Variants in FUT8 observed in about 807,000 individuals in gnomAD.
FUT8 encodes alpha-(1,6)-fucosyltransferase.
In FUT8, 29 loss-of-function variants were observed where a neutral mutation model predicts 71.3. That is an observed-to-expected ratio of 0.41 (90% CI 0.30 to 0.55). The LOEUF (loss-of-function observed/expected upper bound fraction) is 0.55. Among genes scored for constraint, FUT8 ranks in the 20% least tolerant of loss-of-function variants. FUT8 has a pLI of 0.34. For synonymous variants in FUT8, 254 were observed against 239.3 expected (o/e 1.06, Z -0.57); for missense variants, 544 against 702.1 (o/e 0.77, Z 2.55).
chr14:65,367,830 C>T, the FUT8 span, among the ~76,000 whole-genome samples: 1 of 151,952 alleles, frequency 6.6e-6, no homozygotes, highest in African/African-American at 2.4e-5. Flanking sequence ...TGTGTTTATT[C>T]CCTTCCTTCA....
chr14:65,494,264 A>T (rs1238423368), intron 2 of FUT8, among the ~76,000 whole-genome samples: 6 of 152,152 alleles, frequency 3.9e-5, no homozygotes, highest in African/African-American at 1.4e-4. Flanking sequence ...TATCAATTAG[A>T]GTTTTACATT....
chr14:65,420,644 G>T (rs191913472), intron 1 of FUT8, among the ~76,000 whole-genome samples: 11 of 151,944 alleles, frequency 7.2e-5, no homozygotes, highest in Admixed American at 3.9e-4. Context: ...CTAAAGTTTA[G>T]AGAAAAGTTG....
chr14:65,499,686 G>A (rs2066615048), intron 2 of FUT8, among the ~76,000 whole-genome samples: 1 of 151,868 alleles, frequency 6.6e-6, no homozygotes, highest in Admixed American at 6.6e-5. Context: ...GGTGGTGTGT[G>A]CCTGTAGTCT....
chr14:65,715,056 G>A (rs1188753018), intron 7 of FUT8, among the ~76,000 whole-genome samples: 7 of 151,982 alleles, frequency 4.6e-5, no homozygotes, highest in African/African-American at 1.7e-4. Flanking sequence ...TTTCCATTTT[G>A]GACACCCTTT....
chr14:65,732,007 T>G (rs944007683), intron 9 of FUT8, among the ~76,000 whole-genome samples: 5 of 152,218 alleles, frequency 3.3e-5, no homozygotes, highest in Admixed American at 2.0e-4. Flanking sequence ...TATTTCTTTG[T>G]TGTTGTTTCT....
intron 7 of FUT8, among the ~76,000 whole-genome samples, chr14:65,681,789 A>G (rs975876434): frequency 9.9e-5 from 15 of 152,194 alleles, no homozygotes; most frequent in Admixed American, 7.2e-4. Flanking sequence ...CATCACATAT[A>G]ATCTAATTTA....
chr14:65,447,785 G>C (rs2065764927), intron 1 of FUT8, among the ~76,000 whole-genome samples: 1 of 152,062 alleles, frequency 6.6e-6, no homozygotes, highest in Non-Finnish European at 1.5e-5. Flanking sequence ...TTCATTATAG[G>C]AGAATATCTA....
At chr14:65,717,052 T>C (rs1054568374) in intron 7 of FUT8, among the ~76,000 whole-genome samples, 177 of 67,402 alleles carry the variant, frequency 2.6e-3, no homozygotes, top group Middle Eastern at 0.01. Flanking sequence ...CGGGCAGAGG[T>C]GCTCCCCACT....
chr14:65,493,868 G>T (rs900071852), intron 2 of FUT8, among the ~76,000 whole-genome samples: 1 of 151,966 alleles, frequency 6.6e-6, no homozygotes, highest in Non-Finnish European at 1.5e-5. Flanking sequence ...TAATTTGGGT[G>T]GAAGTGGGGA....
At chr14:65,497,647 A>C (rs1027023653) in intron 2 of FUT8, among the ~76,000 whole-genome samples, 2 of 152,066 alleles carry the variant, frequency 1.3e-5, no homozygotes, top group African/African-American at 4.8e-5. Flanking sequence ...TGTATGTTAT[A>C]AGAGTTTAAT....
At chr14:65,609,801 T>G (rs1189247609) in intron 3 of FUT8, among the ~76,000 whole-genome samples, 3 of 151,940 alleles carry the variant, frequency 2.0e-5, no homozygotes, top group Non-Finnish European at 2.9e-5. Context: ...CCTTTTAGTT[T>G]TATCTTTTTC....
chr14:65,679,495 AC>A (rs1892933164), intron 7 of FUT8, among the ~76,000 whole-genome samples: 1 of 152,164 alleles, frequency 6.6e-6, no homozygotes, highest in African/African-American at 2.4e-5. Flanking sequence ...TCTTAGAGGC[AC>A]CCATTTGTTT....
intron 2 of FUT8, among the ~76,000 whole-genome samples, chr14:65,487,246 A>G (rs1341679889): frequency 6.6e-6 from 1 of 152,048 alleles, no homozygotes; most frequent in Non-Finnish European, 1.5e-5. Context: ...TACATTAGCA[A>G]TTATTGGGCA....
At chr14:65,698,916 C>T (rs1894135904) in intron 7 of FUT8, among the ~76,000 whole-genome samples, 1 of 152,080 alleles carries the variant, frequency 6.6e-6, no homozygotes, top group South Asian at 2.1e-4. Context: ...CACATAAAAA[C>T]ATGCAGTTTG....
chr14:65,719,298 C>T (rs921076793), intron 7 of FUT8, among the ~76,000 whole-genome samples: 2 of 151,996 alleles, frequency 1.3e-5, no homozygotes, highest in African/African-American at 4.8e-5. Context: ...TGCTTGATTC[C>T]TTTTAATTGT....
intron 2 of FUT8, among the ~76,000 whole-genome samples, chr14:65,465,070 G>A (rs777277214): frequency 6.6e-6 from 1 of 152,080 alleles, no homozygotes; most frequent in Non-Finnish European, 1.5e-5. Context: ...TCTTTTAAGG[G>A]ATTGGTCCAT....
At chr14:65,623,157 C>T (rs1388462762) in intron 5 of FUT8, among the ~76,000 whole-genome samples, 2 of 152,158 alleles carry the variant, frequency 1.3e-5, no homozygotes, top group Non-Finnish European at 2.9e-5. Context: ...TCCCAAAATG[C>T]TGGGATTATA....
At chr14:65,625,583 ATTGGCCTCTTGCCTG>A (rs1470536134) in intron 5 of FUT8, among the ~76,000 whole-genome samples, 2 of 152,240 alleles carry the variant, frequency 1.3e-5, no homozygotes, top group Admixed American at 1.3e-4. Flanking sequence ...GGCATCACAT[ATTGGCCTCTTGCCTG>A]TTTTAAAAGG....
chr14:65,411,847 C>T (rs191030169), upstream of FUT8: 1,839 of 356,476 alleles, frequency 5.2e-3, 22 homozygotes, highest in East Asian at 0.036. Flanking sequence ...TTGGCCTCGG[C>T]GGCACCCCTC....
Sources: allele counts gnomAD v4.1 joint callset (sites outside exome capture counted in the v4.1 genomes callset), GRCh38; gene constraint gnomAD v4.1.1; transcripts MANE v1.5; gene names NCBI Gene and HGNC (gene_info 2026-07-23, HGNC 2026-07-21).